The following TBX15 variants were observed in gnomAD, a reference collection of about 807,000 sequenced individuals.
TBX15 encodes the protein T-box transcription factor 15.
TBX15 carries 18 observed loss-of-function variants against 53.9 expected under a neutral mutation model. The ratio of observed to expected loss-of-function variants is 0.33; its 90% CI spans 0.23 to 0.49. The LOEUF (loss-of-function observed/expected upper bound fraction) is 0.49. Ranked by LOEUF, TBX15 falls within the 20% of genes least tolerant of loss-of-function variation. TBX15 has a pLI of 0.98. For synonymous variants in TBX15, 295 were observed against 278.0 expected (o/e 1.06, Z -0.61); for missense variants, 692 against 749.5 (o/e 0.92, Z 0.90).
At chr1:118,933,502 CA>C (rs201215186) in intron 1 of TBX15, among the ~76,000 whole-genome samples, 239 of 145,380 alleles carry the variant, frequency 1.6e-3, no homozygotes, top group African/African-American at 5.8e-3. Context: ...CTAGGTTTTA[CA>C]TGTCTAAGCA....
At chr1:118,933,569 G>T (rs1470934516) in intron 1 of TBX15, among the ~76,000 whole-genome samples, 1 of 151,636 alleles carries the variant, frequency 6.6e-6, no homozygotes, top group African/African-American at 2.4e-5. Flanking sequence ...TCCAAGCACT[G>T]AAAAGTAGAA....
chr1:118,910,729 C>G (rs776609580), intron 6 of TBX15, among the ~76,000 whole-genome samples: 2 of 152,144 alleles, frequency 1.3e-5, no homozygotes, highest in African/African-American at 4.8e-5. Flanking sequence ...TTCCAGAATG[C>G]TGAAGGACAA....
chr1:118,987,670 C>T lies in TBX15; in HGVS notation c.126G>A (p.Leu42=). 1 of 1,550,358 alleles carries T rather than the reference C, an allele frequency of 6.5e-7. No individual in the cohort carries two copies. Among genetic ancestry groups the T allele is most frequent in the South Asian group, 1.2e-5 (1 of 84,062 alleles). Residue 42 remains leucine, a synonymous_variant, in exon 1 of 8, where the codon CTG becomes CTA. Transcript: ENST00000369429. The stretch of plus-strand genomic sequence containing the variant: ...CCGCGGGGCTCAGCGCCTCCATAGA[C>T]AGGTCCAGCCCCTTCTCCTCCCAGT... ...LRDWEEKGLD[L]SMEALSPAGP...
At chr1:118,920,104 G>T (rs1011681655) in intron 5 of TBX15, among the ~76,000 whole-genome samples, 4 of 152,154 alleles carry the variant, frequency 2.6e-5, no homozygotes, top group African/African-American at 4.8e-5. Flanking sequence ...CAATTGCAGA[G>T]TTGGGTCTAG....
intron 7 of TBX15, chr1:118,890,941 T>A (rs140166224): frequency 7.7e-7 from 1 of 1,304,170 alleles, no homozygotes; most frequent in South Asian, 1.2e-5. Context: ...ATTCACTGTG[T>A]ATCCTTGAGA....
chr1:118,942,409 G>A (rs1656212410), intron 1 of TBX15, among the ~76,000 whole-genome samples: 1 of 152,248 alleles, frequency 6.6e-6, no homozygotes, highest in Non-Finnish European at 1.5e-5. Context: ...CAAAGTAAGA[G>A]AAGAGATATA....
chr1:118,906,767 T>A (rs1345870719), intron 6 of TBX15, among the ~76,000 whole-genome samples: 1 of 152,134 alleles, frequency 6.6e-6, no homozygotes, highest in Non-Finnish European at 1.5e-5. Context: ...TCCTCTGACA[T>A]GTTATGTAAA....
At chr1:118,939,456 C>T (rs953384156) in intron 1 of TBX15, among the ~76,000 whole-genome samples, 19 of 77,602 alleles carry the variant, frequency 2.4e-4, no homozygotes, top group African/African-American at 8.1e-4. Flanking sequence ...GAACAGAAAA[C>T]CAAATATCTC....
intron 1 of TBX15, among the ~76,000 whole-genome samples, chr1:118,960,864 T>G (rs561159961): frequency 1.3e-5 from 2 of 152,098 alleles, no homozygotes; most frequent in African/African-American, 4.8e-5. Context: ...TGGCTCAAAG[T>G]GCAATTTAAT....
intron 1 of TBX15, among the ~76,000 whole-genome samples, chr1:118,939,427 A>AAAAAAC (rs1557892422): frequency 9.6e-6 from 1 of 104,274 alleles, no homozygotes; most frequent in Non-Finnish European, 2.0e-5. Flanking sequence ...AAAAAAAAAA[A>AAAAAAC]AAAAAAAAAC....
At chr1:118,923,046 G>A (rs984587391) in intron 5 of TBX15, among the ~76,000 whole-genome samples, 6 of 151,586 alleles carry the variant, frequency 4.0e-5, no homozygotes, top group Admixed American at 2.6e-4. Context: ...AGTTCTGGTT[G>A]CTCCAAAGTC....
At chr1:118,967,219 C>G (rs930109407) in intron 1 of TBX15, among the ~76,000 whole-genome samples, 4 of 152,084 alleles carry the variant, frequency 2.6e-5, no homozygotes, top group Non-Finnish European at 2.9e-5. Flanking sequence ...GGGTTGACCT[C>G]GAGACACCTA....
upstream of TBX15, among the ~76,000 whole-genome samples, chr1:118,989,062 ACT>A (rs1657949566): frequency 6.6e-6 from 1 of 151,920 alleles, no homozygotes; most frequent in Non-Finnish European, 1.5e-5. Flanking sequence ...CGCCGCAAAT[ACT>A]CTCTTTCCCT....
intron 5 of TBX15, among the ~76,000 whole-genome samples, chr1:118,919,195 C>T (rs1289459453): frequency 2.0e-5 from 3 of 152,044 alleles, no homozygotes; most frequent in South Asian, 2.1e-4. Flanking sequence ...GTTTCCTGTT[C>T]GAAAACAAAA....
At chr1:118,910,493 T>C (rs1654995445) in intron 6 of TBX15, among the ~76,000 whole-genome samples, 1 of 152,174 alleles carries the variant, frequency 6.6e-6, no homozygotes, top group African/African-American at 2.4e-5. Context: ...TGGGTCCTGA[T>C]TCTGGCACAG....
chr1:118,917,889 T>G (rs1048499576), intron 5 of TBX15, among the ~76,000 whole-genome samples: 2 of 152,214 alleles, frequency 1.3e-5, no homozygotes, highest in Admixed American at 6.5e-5. Flanking sequence ...TACTCTGGCC[T>G]GCCTCTCCAA....
At chr1:118,984,381 G>A (rs1030846236) in intron 1 of TBX15, among the ~76,000 whole-genome samples, 1 of 152,234 alleles carries the variant, frequency 6.6e-6, no homozygotes, top group Non-Finnish European at 1.5e-5. Context: ...GGGAGACCCG[G>A]CTTCGGCAGC....
intron 1 of TBX15, among the ~76,000 whole-genome samples, chr1:118,966,458 CT>C (rs1657037289): frequency 6.6e-6 from 1 of 152,210 alleles, no homozygotes; most frequent in Non-Finnish European, 1.5e-5. Context: ...AGGCCTGGCC[CT>C]CAACCCAATT....
rs1036024827 is a variant in TBX15 at position 118,930,478 on chromosome 1, C to T, written c.419+1141G>A. 3.9e-5 allele frequency among the ~76,000 whole-genome samples: 6 copies of T among 152,166 alleles called. 1 individual carries two copies. Among genetic ancestry groups the T allele is most frequent in the South Asian group, 4.1e-4 (2 of 4,830 alleles). On this transcript the variant is annotated intron_variant, in intron 2 of 7. Coordinates refer to ENST00000369429, the MANE Select transcript of TBX15 (RefSeq NM_001330677.2). Reference sequence around the variant, plus strand: ...TCACCCAGGGTGGAGTGCAACGGCACGATCTTGGCTCACTGCAACCTCCGC... The same window carrying T: ...TCACCCAGGGTGGAGTGCAACGGCATGATCTTGGCTCACTGCAACCTCCGC...
Sources: gnomAD v4.1 joint callset for allele counts (sites outside exome capture counted in the v4.1 genomes callset) on GRCh38, gnomAD v4.1.1 for gene constraint, MANE v1.5 for transcripts, NCBI Gene and HGNC (gene_info 2026-07-23, HGNC 2026-07-21) for gene names.